TBC1D16: variants seen among roughly 807,000 people sequenced by gnomAD.
TBC1D16 encodes CTD-2529O21.1.
Under a neutral mutation model 74.7 loss-of-function variants are expected in TBC1D16, and 58 were observed. The ratio of observed to expected loss-of-function variants is 0.78; its 90% CI spans 0.63 to 0.97. TBC1D16 has a LOEUF of 0.97. Among genes scored for constraint, TBC1D16 ranks in the 50% least tolerant of loss-of-function variants. The probability of loss-of-function intolerance (pLI) is 0.00; values close to 1 mark genes in which losing one functional copy is unlikely to be tolerated. For synonymous variants in TBC1D16, 493 were observed against 474.7 expected (o/e 1.04, Z -0.50); for missense variants, 1,014 against 1,079.5 (o/e 0.94, Z 0.85).
intron 1 of TBC1D16, among the ~76,000 whole-genome samples, chr17:80,034,187 A>C (rs2036864422): frequency 7.1e-6 from 1 of 141,594 alleles, no homozygotes; most frequent in African/African-American, 2.9e-5. Flanking sequence ...CACAGATAAA[A>C]ACTTTTTTTT....
At chr17:79,998,125 C>CAA (rs901486919) in intron 3 of TBC1D16, among the ~76,000 whole-genome samples, 1,649 of 49,948 alleles carry the variant, frequency 0.033, 56 homozygotes, top group African/African-American at 0.091. Flanking sequence ...AACTCTGTCT[C>CAA]AAAAAAAAAA....
Position 79,983,270 on chromosome 17 carries a change from C to T in TBC1D16, c.779+26890G>A, listed in dbSNP as rs1030014669. 7.2e-5 allele frequency among the ~76,000 whole-genome samples: 11 copies of T among 152,352 alleles called. No homozygotes were observed. The highest frequency in any genetic ancestry group is 6.2e-4 in the South Asian group (3 of 4,830). On this transcript the variant is annotated intron_variant, in intron 3 of 11. Transcript: ENST00000310924. The surrounding 1 kb of genome is among the most constrained non-coding windows in gnomAD (Gnocchi z 5.6). ...AGAATGGCAAGACAGACCATGTAAT[C>T]TCAGGGACTCTCAGCTGGCCCCACC...
rs1417270404 is a variant in TBC1D16 at position 79,950,043 on chromosome 17, C to T, written c.1258-178G>A. Among the ~76,000 whole-genome samples, 1 of 152,198 alleles carries T rather than the reference C, an allele frequency of 6.6e-6. No homozygotes were observed. Among genetic ancestry groups the T allele is most frequent in the African/African-American group, 2.4e-5 (1 of 41,452 alleles). On this transcript the variant is annotated intron_variant, in intron 6 of 11. Transcript: ENST00000310924. This position sits in a 1 kb window ranked among gnomAD's most constrained non-coding sequence, Gnocchi z 4.6. ...TCAATTCCCATACAGGACACAAACCCGGCTCATTTCAATGTCAATGCCCCC... is the reference window on the plus strand; with the variant it reads ...TCAATTCCCATACAGGACACAAACCTGGCTCATTTCAATGTCAATGCCCCC...
chr17:80,033,337 G>A (rs1399454161), intron 1 of TBC1D16, among the ~76,000 whole-genome samples: 3 of 150,754 alleles, frequency 2.0e-5, no homozygotes, highest in East Asian at 1.9e-4. Flanking sequence ...GAGGAGTTGG[G>A]GTTTTTGTTG....
intron 8 of TBC1D16, 75 bp downstream of exon 8, chr17:79,948,797 C>T: frequency 1.3e-6 from 2 of 1,591,954 alleles, no homozygotes; most frequent in Non-Finnish European, 1.7e-6. Flanking sequence ...GCTGGGGGCT[C>T]ATCCACTTCC....
chr17:79,952,347 C>A (rs1000181966), intron 4 of TBC1D16, among the ~76,000 whole-genome samples: 1 of 152,240 alleles, frequency 6.6e-6, no homozygotes, highest in Non-Finnish European at 1.5e-5. Context: ...ATCAGAGCCG[C>A]CGGCAGCTGC....
At position 79,950,355 on chromosome 17, in the gene TBC1D16, G is replaced by A. The variant is rs1000122371; in HGVS notation, c.1257+56C>T. Reference sequence around the variant, plus strand: ...CCCCGGCCCTCCTTCCCTCTCGCTCGTTCCCGGTTCCCGGCCGGCTCTCCG... The same window carrying A: ...CCCCGGCCCTCCTTCCCTCTCGCTCATTCCCGGTTCCCGGCCGGCTCTCCG... On this transcript the variant is annotated intron_variant, in intron 6 of 11. Transcript: ENST00000310924. This position sits in a 1 kb window ranked among gnomAD's most constrained non-coding sequence, Gnocchi z 4.6. The A allele has an allele frequency of 6.6e-7, 1 of 1,524,934 alleles. No individual in the cohort carries two copies. The allele number at this position is 1,524,934 out of a possible 1,614,324, so 94.5% of individuals were successfully genotyped here.
At position 79,986,334 on chromosome 17, in the gene TBC1D16, G is replaced by A. The variant is rs1233006523; in HGVS notation, c.779+23826C>T. Among the ~76,000 whole-genome samples the A allele has an allele frequency of 6.6e-6, 1 of 152,228 alleles. No individual in the cohort carries two copies. Among genetic ancestry groups the A allele is most frequent in the Admixed American group, 6.5e-5 (1 of 15,286 alleles). ...GGCCACGTTCGCTTCATAAACGCAA[G>A]GTGATCTCTGAGCACCTCTTAGACA... On this transcript the variant is annotated intron_variant, in intron 3 of 11. Coordinates refer to ENST00000310924, the MANE Select transcript of TBC1D16 (RefSeq NM_019020.4). The surrounding 1 kb of genome is among the most constrained non-coding windows in gnomAD (Gnocchi z 6.0).
chr17:79,970,045 A>G (rs2034014118), intron 3 of TBC1D16, among the ~76,000 whole-genome samples: 1 of 152,226 alleles, frequency 6.6e-6, no homozygotes, highest in Non-Finnish European at 1.5e-5. Flanking sequence ...AATGCCCATC[A>G]ACTGATGACC....
rs745708723 is a variant in TBC1D16 at position 79,944,406 on chromosome 17, G to T, written c.1908+502C>A. 3.9e-5 allele frequency among the ~76,000 whole-genome samples: 6 copies of T among 152,224 alleles called. No homozygotes were observed. The highest frequency in any genetic ancestry group is 8.8e-5 in the Non-Finnish European group (6 of 68,042). On this transcript the variant is annotated intron_variant, in intron 10 of 11. Transcript: ENST00000310924. The surrounding 1 kb of genome is among the most constrained non-coding windows in gnomAD (Gnocchi z 7.7). ...TCCAAGGGGAATTTGCTGAGAAGAT[G>T]CTGGTGACGGTGGACGGAGAGTGGA...
intron 1 of TBC1D16, among the ~76,000 whole-genome samples, chr17:80,027,891 CAAAA>C (rs71163908): frequency 4.5e-5 from 3 of 66,808 alleles, no homozygotes; most frequent in African/African-American, 6.0e-5. Context: ...GACTCCAACT[CAAAA>C]AAAAAAAAAA....
Position 80,013,586 on chromosome 17 carries a change from C to A in TBC1D16, c.-39G>T. The A allele has an allele frequency of 6.9e-7, 1 of 1,452,424 alleles. No homozygotes were observed. The highest frequency in any genetic ancestry group is 9.1e-7 in the Non-Finnish European group (1 of 1,099,214). The allele number at this position is 1,452,424 out of a possible 1,614,324, so 90.0% of individuals were successfully genotyped here. A position where few individuals can be genotyped will look rare whatever the true frequency, so the allele number is the denominator to read the frequency against. ...TTTCCATCCTCCGCATGCGTCGGCC[C>A]GGGCAGGGCTCGTCAAGACCTGCCT... On this transcript the variant is annotated 5_prime_UTR_variant, in exon 2 of 12. Coordinates refer to ENST00000310924, the MANE Select transcript of TBC1D16 (RefSeq NM_019020.4).
chr17:79,933,234 G>A lies in TBC1D16; in HGVS notation c.*7625C>T, dbSNP rs964658380. On this transcript the variant is annotated 3_prime_UTR_variant, in exon 12 of 12. Coordinates refer to ENST00000310924, the MANE Select transcript of TBC1D16 (RefSeq NM_019020.4). ...CTTCTCTGGGTGGATGTGAGGGAGG[G>A]TGATTGAACTGGAGGAGGGGGCTGG... 3 of 152,188 alleles carry A rather than the reference G, an allele frequency of 2.0e-5. No homozygotes were observed. The highest frequency in any genetic ancestry group is 2.9e-5 in the Non-Finnish European group (2 of 68,132). The allele number at this position is 152,188 out of a possible 1,614,324, so 9.4% of individuals were successfully genotyped here.
rs189169346 is a variant in TBC1D16, at chr17:79,971,167, C to G, written c.780-18349G>C. ...CCTCCTGAGTAGCTGGGATTACAGG[C>G]GTGCACCACCAAGCCCGGCTAATTT... On this transcript the variant is annotated intron_variant, in intron 3 of 11. Transcript: ENST00000310924. The surrounding 1 kb of genome is among the most constrained non-coding windows in gnomAD (Gnocchi z 4.6). Among the ~76,000 whole-genome samples the G allele has an allele frequency of 1.3e-4, 20 of 152,112 alleles. No individual in the cohort carries two copies. The highest frequency in any genetic ancestry group is 4.8e-4 in the African/African-American group (20 of 41,486).
At chr17:80,025,434 AG>A (rs2036543253) in intron 1 of TBC1D16, among the ~76,000 whole-genome samples, 1 of 150,064 alleles carries the variant, frequency 6.7e-6, no homozygotes, top group Non-Finnish European at 1.5e-5. Flanking sequence ...ACCGGGCGGC[AG>A]GAAGTGCAGG....
chr17:79,997,041 G>A (rs1463956797), intron 3 of TBC1D16, among the ~76,000 whole-genome samples: 1 of 152,224 alleles, frequency 6.6e-6, no homozygotes, highest in African/African-American at 2.4e-5. Context: ...TCTCAAAGCT[G>A]ACATCATGCA....
chr17:79,949,161 G>A (rs576901114), intron 7 of TBC1D16, among the ~76,000 whole-genome samples, 155 bp from the exon 8 acceptor site: 2 of 152,378 alleles, frequency 1.3e-5, no homozygotes, highest in South Asian at 4.1e-4. Flanking sequence ...CCCGGATGCG[G>A]CGGATGGGTG....
At chr17:80,002,392 G>A (rs765995542) in intron 3 of TBC1D16, among the ~76,000 whole-genome samples, 7 of 152,214 alleles carry the variant, frequency 4.6e-5, no homozygotes, top group African/African-American at 7.2e-5. Context: ...TTACTGCCTC[G>A]CACGCCCTGC....
chr17:79,936,909 C>CGTGTGT lies in TBC1D16; in HGVS notation c.*3944_*3949dup, dbSNP rs71959726. 0.069 allele frequency: 8,413 copies of CGTGTGT among 122,192 alleles called. 328 individuals carry two copies. Among genetic ancestry groups the CGTGTGT allele is most frequent in the African/African-American group, 0.11 (4,114 of 37,324 alleles). The allele number at this position is 122,192 out of a possible 1,614,324, so 7.6% of individuals were successfully genotyped here. ...GTGCATGCGTGCGTGTGTGCATGTG[C>CGTGTGT]GTGTGTGTGTGTGTGTGTGTGTGTG... On this transcript the variant is annotated 3_prime_UTR_variant, in exon 12 of 12. Transcript: ENST00000310924.
Sources: gnomAD v4.1 joint callset for allele counts (sites outside exome capture counted in the v4.1 genomes callset) on GRCh38, gnomAD v4.1.1 for gene constraint, Gnocchi (gnomAD v3.1) non-coding constraint, MANE v1.5 for transcripts, NCBI Gene and HGNC (gene_info 2026-07-23, HGNC 2026-07-21) for gene names.